Variants in MYO18B observed in about 807,000 individuals in gnomAD.
MYO18B encodes unconventional myosin-XVIIIb.
Under a neutral mutation model 273.0 loss-of-function variants are expected in MYO18B, and 204 were observed. The observed-to-expected ratio is 0.75, with a 90% CI of 0.67 to 0.84. The LOEUF (loss-of-function observed/expected upper bound fraction) is 0.84. Among genes scored for constraint, MYO18B ranks in the 40% least tolerant of loss-of-function variants. The probability of loss-of-function intolerance (pLI) is 0.00; values close to 1 mark genes in which losing one functional copy is unlikely to be tolerated. For synonymous variants in MYO18B, 1,330 were observed against 1,305.7 expected, an observed-to-expected ratio of 1.02 and a Z score of -0.40; for missense variants, 3,212 against 3,287.6, an observed-to-expected ratio of 0.98 and a Z score of 0.56.
At chr22:25,898,715 T>C (rs569368907) in intron 29 of MYO18B, 1 of 446,338 alleles carries the variant, frequency 2.2e-6, no homozygotes, top group African/African-American at 2.0e-5. Flanking sequence ...TTTCTTTGCC[T>C]TTCTGGGCCT....
Position 26,028,238 on chromosome 22 carries a change from C to T in MYO18B, c.*12+548C>T, listed in dbSNP as rs1936410027. 4 of 123,572 alleles carry T rather than the reference C, an allele frequency of 3.2e-5. No individual in the cohort carries two copies. The South Asian group carries it at 9.7e-4, about 30-fold the overall frequency. The allele number at this position is 123,572 out of a possible 1,614,324, so 7.7% of individuals were successfully genotyped here. On this transcript the variant is annotated intron_variant, in intron 43 of 43. Transcript: ENST00000335473. ...TCCAGCCTGGGAAACAAGAGCAAAA[C>T]TCTGTCTCAGGGAAAAAAAAAAAAA... is the stretch of plus-strand genomic sequence containing the variant.
intron 39 of MYO18B, among the ~76,000 whole-genome samples, chr22:25,982,445 A>G (rs1233954359): frequency 1.3e-5 from 2 of 152,218 alleles, no homozygotes; most frequent in East Asian, 3.8e-4. Flanking sequence ...AACCACTAAC[A>G]CAGTATCTTA....
chr22:25,823,434 G>A, intron 12 of MYO18B, 71 bp from the exon 13 acceptor site: 1 of 1,491,018 alleles, frequency 6.7e-7, no homozygotes, highest in East Asian at 2.4e-5. Context: ...ATTCTCCGAG[G>A]TCCTCTCGGG....
At chr22:25,814,447 G>A (rs61708982) in intron 12 of MYO18B, among the ~76,000 whole-genome samples, 6,751 of 151,568 alleles carry the variant, frequency 0.045, 354 homozygotes, top group African/African-American at 0.11. Flanking sequence ...AGCCTCCCAG[G>A]TAGCTTGGAT....
intron 39 of MYO18B, among the ~76,000 whole-genome samples, chr22:25,974,436 A>G (rs2146753071): frequency 6.6e-6 from 1 of 152,366 alleles, no homozygotes; most frequent in East Asian, 1.9e-4. Context: ...ATTGAAATCT[A>G]TACATTCTTA....
intron 42 of MYO18B, among the ~76,000 whole-genome samples, chr22:26,017,960 CTGTTTTGTT>C (rs1935498377): frequency 2.3e-5 from 2 of 86,966 alleles, no homozygotes; most frequent in African/African-American, 1.0e-4. Flanking sequence ...TCCAATTTTA[CTGTTTTGTT>C]TTTTTTTTTT....
intron 24 of MYO18B, chr22:25,877,155 C>T (rs1244766841): frequency 6.6e-6 from 1 of 152,146 alleles, no homozygotes; most frequent in African/African-American, 2.4e-5. Flanking sequence ...GTGTTCAGCC[C>T]CTAGACTGGG....
intron 1 of MYO18B, 142 bp downstream of exon 1, chr22:25,742,435 C>T (rs1412550034): frequency 1.3e-5 from 2 of 152,024 alleles, no homozygotes; most frequent in Admixed American, 6.6e-5. Flanking sequence ...TGAGAGCTTC[C>T]GAGGCCTGAT....
At chr22:25,972,215 C>CAT (rs562936924) in intron 39 of MYO18B, among the ~76,000 whole-genome samples, 31 of 151,464 alleles carry the variant, frequency 2.0e-4, no homozygotes, top group South Asian at 1.0e-3. Flanking sequence ...TGAATATATG[C>CAT]ATATATATAT....
At chr22:25,813,994 T>C (rs1483579169) in intron 12 of MYO18B, among the ~76,000 whole-genome samples, 5 of 152,224 alleles carry the variant, frequency 3.3e-5, no homozygotes, top group Admixed American at 6.5e-5. Context: ...TTTCTGAGCA[T>C]GTAGAATTTA....
At chr22:26,000,643 A>G (rs1236277103) in intron 40 of MYO18B, among the ~76,000 whole-genome samples, 5 of 151,216 alleles carry the variant, frequency 3.3e-5, no homozygotes, top group African/African-American at 1.2e-4. Context: ...CTCATGATAA[A>G]GGTGTTAGGT....
intron 39 of MYO18B, among the ~76,000 whole-genome samples, chr22:25,967,749 A>G (rs569094148): frequency 2.6e-5 from 4 of 152,340 alleles, no homozygotes; most frequent in African/African-American, 9.6e-5. Flanking sequence ...AAAAAGTTTC[A>G]TGACCTCTGG....
chr22:26,024,013 G>T (rs915104566), intron 42 of MYO18B, among the ~76,000 whole-genome samples: 1 of 152,160 alleles, frequency 6.6e-6, no homozygotes, highest in Non-Finnish European at 1.5e-5. Flanking sequence ...CTGGGCAAAC[G>T]TGTGGCTTTT....
chr22:25,818,866 G>A (rs1475189902), intron 12 of MYO18B, among the ~76,000 whole-genome samples: 1 of 152,080 alleles, frequency 6.6e-6, no homozygotes, highest in East Asian at 1.9e-4. Context: ...AAGAGGTGTT[G>A]GGGGTTTTAA....
At chr22:25,938,191 A>G (rs940797068) in intron 34 of MYO18B, among the ~76,000 whole-genome samples, 1 of 151,634 alleles carries the variant, frequency 6.6e-6, no homozygotes, top group African/African-American at 2.4e-5. Flanking sequence ...TCCTCTCCAC[A>G]CCTCATTCCA....
chr22:26,039,593 C>A, the MYO18B span, among the ~76,000 whole-genome samples: 12 of 151,042 alleles, frequency 7.9e-5, no homozygotes, highest in Admixed American at 7.9e-4. Flanking sequence ...GTGCCTCCCT[C>A]TGTTTTTAGG....
intron 34 of MYO18B, among the ~76,000 whole-genome samples, chr22:25,927,521 A>G (rs1569200017): frequency 6.6e-6 from 1 of 152,170 alleles, no homozygotes; most frequent in South Asian, 2.1e-4. Flanking sequence ...GATGTTATCA[A>G]TGACAATGGT....
At chr22:25,941,752 G>A (rs1187585845) in intron 34 of MYO18B, among the ~76,000 whole-genome samples, 3 of 152,208 alleles carry the variant, frequency 2.0e-5, no homozygotes, top group Non-Finnish European at 4.4e-5. Context: ...TGGAGGTCTT[G>A]GGCTGGGAAA....
chr22:25,983,441 T>C (rs1344509018), intron 39 of MYO18B: 1 of 152,212 alleles, frequency 6.6e-6, no homozygotes, highest in Non-Finnish European at 1.5e-5. Context: ...TGGAAAAGTG[T>C]GCAAATCACG....
Sources: allele counts gnomAD v4.1 joint callset (sites outside exome capture counted in the v4.1 genomes callset), GRCh38; gene constraint gnomAD v4.1.1; transcripts MANE v1.5; gene names NCBI Gene and HGNC (gene_info 2026-07-23, HGNC 2026-07-21).